Variants in HBP1 observed in about 807,000 individuals in gnomAD.
HBP1 encodes the protein HMG box-containing protein 1.
Under a neutral mutation model 62.6 loss-of-function variants are expected in HBP1, and 20 were observed. That is an observed-to-expected ratio of 0.32 (90% confidence interval 0.22 to 0.46). The LOEUF (loss-of-function observed/expected upper bound fraction) is 0.46, where lower values mean the gene tolerates loss of function less well. Ranked by LOEUF, HBP1 falls within the 20% of genes least tolerant of loss-of-function variation. The pLI is 1.00. For missense variants in HBP1, 480 were observed against 611.8 expected (o/e 0.78, Z 2.27); for synonymous variants, 232 against 206.2 (o/e 1.12, Z -1.07).
At chr7:107,197,118 T>G (rs1443638055) in intron 9 of HBP1, 1 of 152,132 alleles carries the variant, frequency 6.6e-6, no homozygotes, top group African/African-American at 2.4e-5. Context: ...CTCAAGTCCT[T>G]CCTACTCTGT....
intron 1 of HBP1, among the ~76,000 whole-genome samples, chr7:107,176,342 A>T (rs1348105482): frequency 6.6e-6 from 1 of 152,022 alleles, no homozygotes; most frequent in African/African-American, 2.4e-5. Flanking sequence ...CTTTTAACCC[A>T]TTCATAGCCA....
chr7:107,182,619 A>G lies in HBP1; in HGVS notation c.398+18A>G. The G allele has an allele frequency of 7.6e-7, 1 of 1,321,766 alleles. No individual in the cohort carries two copies. Among genetic ancestry groups the G allele is most frequent in the South Asian group, 1.2e-5 (1 of 81,936 alleles). The allele number at this position is 1,321,766 out of a possible 1,614,324, so 81.9% of individuals were successfully genotyped here. A position where few individuals can be genotyped will look rare whatever the true frequency, so the allele number is the denominator to read the frequency against. Reference sequence around the variant, plus strand: ...TACAATAGGTAGGAGCATTTATTATATTTTTATTGAAACATTCTATCATTA... The same window carrying G: ...TACAATAGGTAGGAGCATTTATTATGTTTTTATTGAAACATTCTATCATTA... On this transcript the variant is annotated intron_variant, in intron 3 of 10. Coordinates refer to ENST00000222574, the MANE Select transcript of HBP1 (RefSeq NM_012257.4).
chr7:107,170,953 GTATA>G (rs1201695797), intron 1 of HBP1, among the ~76,000 whole-genome samples: 2 of 128,742 alleles, frequency 1.6e-5, no homozygotes, highest in Non-Finnish European at 3.2e-5. Flanking sequence ...ACATATACAT[GTATA>G]TATATAAAAT....
chr7:107,178,201 G>A (rs1336430120), intron 1 of HBP1, among the ~76,000 whole-genome samples: 1 of 152,050 alleles, frequency 6.6e-6, no homozygotes, highest in African/African-American at 2.4e-5. Context: ...AAGAGGGGGG[G>A]TCTTGCTACA....
intron 10 of HBP1, chr7:107,200,958 T>C (rs1402888718): frequency 6.5e-6 from 1 of 153,886 alleles, no homozygotes; most frequent in Non-Finnish European, 1.4e-5. Context: ...ATTTGAAGTA[T>C]CATTGAAAGA....
At chr7:107,196,547 C>T (rs1008168304) in intron 9 of HBP1, 2 of 279,808 alleles carry the variant, frequency 7.1e-6, no homozygotes, top group South Asian at 3.2e-5. Context: ...TGATTACAGG[C>T]GTGAGCCACT....
chr7:107,173,106 G>GAACA (rs1353227258), intron 1 of HBP1, among the ~76,000 whole-genome samples: 2 of 152,188 alleles, frequency 1.3e-5, no homozygotes, highest in African/African-American at 2.4e-5. Context: ...TACTCTAAAA[G>GAACA]AACAGCATTA....
At chr7:107,184,135 G>A (rs3801966) in intron 3 of HBP1, among the ~76,000 whole-genome samples, 29,925 of 152,070 alleles carry the variant, frequency 0.2, 3,319 homozygotes, top group East Asian at 0.31. Context: ...TGGTTAAACA[G>A]AAGAACTGAT....
intron 1 of HBP1, among the ~76,000 whole-genome samples, chr7:107,169,470 G>GGGGCCAGGTCGCGCGGTGGT: frequency 6.7e-6 from 1 of 149,180 alleles, no homozygotes; most frequent in Non-Finnish European, 1.5e-5. Flanking sequence ...CGCGCGGTGG[G>GGGGCCAGGTCGCGCGGTGGT]TGGCCGGGCC....
chr7:107,184,824 T>C (rs1329796356), intron 3 of HBP1, among the ~76,000 whole-genome samples: 4 of 152,218 alleles, frequency 2.6e-5, no homozygotes, highest in Admixed American at 1.3e-4. Context: ...CTTCCTCTCC[T>C]TTTTAAAGAG....
intron 9 of HBP1, 42 bp downstream of exon 9, chr7:107,196,193 C>T (rs1797888738): frequency 9.4e-7 from 1 of 1,069,128 alleles, no homozygotes; most frequent in Non-Finnish European, 1.5e-6. Flanking sequence ...ATGAGTAACA[C>T]TTCAATACGG....
At chr7:107,184,864 T>G (rs1797280447) in intron 3 of HBP1, among the ~76,000 whole-genome samples, 1 of 152,236 alleles carries the variant, frequency 6.6e-6, no homozygotes, top group Non-Finnish European at 1.5e-5. Context: ...AAACTTTTTC[T>G]GTTAAGGACC....
In HBP1 at chr7:107,196,071, A is replaced by C; in HGVS notation, c.1305A>C (p.Lys435Asn). 6.2e-7 allele frequency: 1 copy of C among 1,613,580 alleles called. No individual in the cohort carries two copies. The highest frequency in any genetic ancestry group is 8.5e-7 in the Non-Finnish European group (1 of 1,179,454). Reference protein sequence around the residue: ...TVSATSPNKCKRPMNAFMLFA... With the variant: ...TVSATSPNKCNRPMNAFMLFA... ...GTGCCACTTCTCCTAATAAGTGCAA[A>C]AGACCAATGAATGCCTTCATGCTTT... The change falls in exon 9 of 11, where the codon AAA becomes AAC. Residue 435 changes from lysine (K) to asparagine (N), a missense_variant. Lys to Asn is a moderately conservative substitution (Grantham distance 94). Coordinates refer to ENST00000222574, the MANE Select transcript of HBP1 (RefSeq NM_012257.4).
At chr7:107,197,367 AAG>A (rs904815310) in intron 9 of HBP1, among the ~76,000 whole-genome samples, 4 of 146,358 alleles carry the variant, frequency 2.7e-5, no homozygotes, top group South Asian at 2.1e-4. Context: ...CAAGAATTCT[AAG>A]AGTCTTTTTT....
In HBP1 at chr7:107,187,798, C is replaced by T. The variant is rs1301958442; in HGVS notation, c.765+1117C>T. Among the ~76,000 whole-genome samples the T allele has an allele frequency of 3.3e-5, 5 of 152,210 alleles. No homozygotes were observed. In the East Asian group the frequency reaches 9.6e-4, roughly 29 times the overall value. On this transcript the variant is annotated intron_variant, in intron 6 of 10. Coordinates refer to ENST00000222574, the MANE Select transcript of HBP1 (RefSeq NM_012257.4). ...TTTGACACATTGGGTTAGTTCCTGA[C>T]ATTGTCTTCCCTTGATTTGTGTAGC...
intron 8 of HBP1, among the ~76,000 whole-genome samples, 181 bp downstream of exon 8, chr7:107,190,498 C>G (rs1459473163): frequency 6.6e-6 from 1 of 151,894 alleles, no homozygotes; most frequent in East Asian, 1.9e-4. Flanking sequence ...TAATAGTTAC[C>G]AGAGAGTTTT....
At chr7:107,173,968 G>C (rs1480942593) in intron 1 of HBP1, among the ~76,000 whole-genome samples, 1 of 152,208 alleles carries the variant, frequency 6.6e-6, no homozygotes, top group African/African-American at 2.4e-5. Flanking sequence ...TATGTAATTG[G>C]TATAATATAT....
At chr7:107,195,531 T>A (rs1797855474) in intron 8 of HBP1, among the ~76,000 whole-genome samples, 1 of 152,216 alleles carries the variant, frequency 6.6e-6, no homozygotes, top group African/African-American at 2.4e-5. Context: ...TTGGAGGAGT[T>A]ACTTGCTATG....
intron 9 of HBP1, among the ~76,000 whole-genome samples, chr7:107,199,822 TGAGA>T (rs1223276630): frequency 3.3e-5 from 5 of 152,228 alleles, no homozygotes; most frequent in Admixed American, 3.3e-4. Context: ...GGTTTTCTCT[TGAGA>T]GAGAAATAGT....
Sources: allele counts gnomAD v4.1 joint callset (sites outside exome capture counted in the v4.1 genomes callset), GRCh38; gene constraint gnomAD v4.1.1; transcripts MANE v1.5; gene names NCBI Gene and HGNC (gene_info 2026-07-23, HGNC 2026-07-21).